GGNBP2: variants seen among roughly 807,000 people sequenced by gnomAD.
GGNBP2 encodes the protein gametogenetin-binding protein 2.
GGNBP2 carries 10 observed loss-of-function variants against 85.9 expected under a neutral mutation model. The ratio of observed to expected loss-of-function variants is 0.12; its 90% confidence interval spans 0.07 to 0.20. The LOEUF (loss-of-function observed/expected upper bound fraction) is 0.20, where lower values mean the gene tolerates loss of function less well. Among genes scored for constraint, GGNBP2 ranks in the 10% least tolerant of loss-of-function variants. The pLI is 1.00. For missense variants in GGNBP2, 595 were observed against 857.8 expected (o/e 0.69, Z 3.83); for synonymous variants, 287 against 285.7 (o/e 1.00, Z -0.05).
intron 4 of GGNBP2, among the ~76,000 whole-genome samples, chr17:36,559,205 G>C (rs745441349): frequency 6.3e-5 from 4 of 63,072 alleles, no homozygotes; most frequent in Non-Finnish European, 1.9e-4. Flanking sequence ...AGGCTGAGAC[G>C]GGAATCGCTT....
chr17:36,587,415 T>C (rs2074713538), intron 13 of GGNBP2, 170 bp downstream of exon 13: 6 of 707,796 alleles, frequency 8.5e-6, no homozygotes, highest in Non-Finnish European at 1.5e-5. Flanking sequence ...CCACTCGTGG[T>C]TTATGCAACT....
intron 4 of GGNBP2, among the ~76,000 whole-genome samples, chr17:36,559,347 C>T (rs996878658): frequency 4.7e-5 from 7 of 149,816 alleles, no homozygotes; most frequent in East Asian, 2.0e-4. Context: ...TACCATTTAC[C>T]GAGAGGGACG....
At chr17:36,554,391 G>C (rs1250198092) in intron 2 of GGNBP2, among the ~76,000 whole-genome samples, 1 of 56,096 alleles carries the variant, frequency 1.8e-5, no homozygotes, top group African/African-American at 7.5e-5. Context: ...TTTTTTGACA[G>C]AGTTTCACTC....
Position 36,581,477 on chromosome 17 carries a change from G to A in GGNBP2, c.1154G>A (p.Cys385Tyr), listed in dbSNP as rs372755670. ...QKRKNRRKNK[C>Y]VCDIPTPLQT... ...CGGAAGAATAGACGAAAAAATAAGT[G>A]TGTGTGTGATATTCCTACTCCCTTA... Residue 385 changes from cysteine (C) to tyrosine (Y), a missense_variant, in exon 9 of 14, where the codon TGT becomes TAT. Physicochemically the swap from Cys to Tyr is radical, Grantham distance 194. Around this residue, in one of 9 missense-constraint regions of GGNBP2, gnomAD observed 85 missense variants for 92.6 expected, o/e 0.92. Transcript: ENST00000613102. 1.4e-5 allele frequency: 23 copies of A among 1,613,828 alleles called. No individual in the cohort carries two copies. The highest frequency in any genetic ancestry group is 1.9e-5 in the Non-Finnish European group (23 of 1,179,874).
At chr17:36,573,259 C>G (rs1248576105) in intron 6 of GGNBP2, among the ~76,000 whole-genome samples, 1 of 152,028 alleles carries the variant, frequency 6.6e-6, no homozygotes, top group Non-Finnish European at 1.5e-5. Context: ...ATTACAGGCA[C>G]ACACCACCAC....
At chr17:36,571,699 C>T (rs955098600) in intron 6 of GGNBP2, among the ~76,000 whole-genome samples, 4 of 152,120 alleles carry the variant, frequency 2.6e-5, no homozygotes, top group Admixed American at 6.5e-5. Flanking sequence ...AAAATTTAGC[C>T]GGGCTTGATG....
chr17:36,557,167 G>A lies in GGNBP2; in HGVS notation c.259G>A (p.Val87Ile). The A allele has an allele frequency of 6.2e-7, 1 of 1,614,116 alleles. No individual in the cohort carries two copies. Among genetic ancestry groups the A allele is most frequent in the African/African-American group, 1.3e-5 (1 of 75,022 alleles). ...REVLSALSQLVPCVGCRRSVE... is the reference protein window; with the variant it reads ...REVLSALSQLIPCVGCRRSVE... ...AGTCCTGAGTGCACTTTCTCAGCTT[G>A]TCCCATGTGTTGGTTGTCGTCGCAG... is the stretch of plus-strand genomic sequence containing the variant. The change falls in exon 4 of 14, where the codon GTC becomes ATC. Residue 87 changes from valine to isoleucine, a missense_variant. Around this residue, in one of 9 missense-constraint regions of GGNBP2, gnomAD observed 216 missense variants for 293.4 expected, o/e 0.74. Coordinates refer to ENST00000613102, the MANE Select transcript of GGNBP2 (RefSeq NM_024835.5).
intron 5 of GGNBP2, among the ~76,000 whole-genome samples, chr17:36,563,060 G>A (rs926305935): frequency 6.6e-5 from 10 of 151,260 alleles, no homozygotes; most frequent in Non-Finnish European, 4.4e-5. Context: ...GAGGTCGGGG[G>A]TTCGAGACCG....
At chr17:36,584,853 C>T (rs1029480310) in intron 9 of GGNBP2, among the ~76,000 whole-genome samples, 6 of 151,432 alleles carry the variant, frequency 4.0e-5, no homozygotes, top group Admixed American at 6.6e-5. Context: ...ACTTGAGAGG[C>T]TGAGGCAGAA....
At chr17:36,564,883 A>G (rs1272012184) in intron 5 of GGNBP2, among the ~76,000 whole-genome samples, 1 of 152,148 alleles carries the variant, frequency 6.6e-6, no homozygotes, top group Non-Finnish European at 1.5e-5. Flanking sequence ...GTATTCTCTC[A>G]TCTATGCAAG....
At chr17:36,588,623 T>C (rs529845494) in intron 13 of GGNBP2, among the ~76,000 whole-genome samples, 8 of 149,568 alleles carry the variant, frequency 5.3e-5, no homozygotes, top group Non-Finnish European at 1.0e-4. Flanking sequence ...TTTTGAGGAG[T>C]CTCGCTCTGT....
chr17:36,574,066 GC>G (rs1555607290), intron 6 of GGNBP2, among the ~76,000 whole-genome samples: 1 of 151,890 alleles, frequency 6.6e-6, no homozygotes, highest in African/African-American at 2.4e-5. Context: ...TCTTTGGGTT[GC>G]CTTTTTACTC....
chr17:36,571,465 A>G (rs1029358778), intron 6 of GGNBP2, among the ~76,000 whole-genome samples: 6 of 150,676 alleles, frequency 4.0e-5, no homozygotes, highest in African/African-American at 1.5e-4. Flanking sequence ...CAGGAGAATC[A>G]CTTAACCTGA....
rs1474987042 is a variant in GGNBP2 at position 36,584,343 on chromosome 17, C to A, written c.1216-957C>A. Reference sequence around the variant, plus strand: ...AAGCATACTTCCCATTTGTCACATACTTTTTTTTTTTTGAGACGGAGTCTC... The same window carrying A: ...AAGCATACTTCCCATTTGTCACATAATTTTTTTTTTTTGAGACGGAGTCTC... On this transcript the variant is annotated intron_variant, in intron 9 of 13. Transcript: ENST00000613102. Among the ~76,000 whole-genome samples, 3 of 147,940 alleles carry A rather than the reference C, an allele frequency of 2.0e-5. No homozygotes were observed. The South Asian group carries it at 6.4e-4, about 32-fold the overall frequency.
chr17:36,581,516 A>G lies in GGNBP2; in HGVS notation c.1193A>G (p.Glu398Gly). The G allele has an allele frequency of 3.1e-6, 5 of 1,608,316 alleles. No homozygotes were observed. Among genetic ancestry groups the G allele is most frequent in the Non-Finnish European group, 4.2e-6 (5 of 1,177,580 alleles). ...DIPTPLQTADEKEVSQEKETD... is the reference protein window; with the variant it reads ...DIPTPLQTADGKEVSQEKETD... ...CCTACTCCCTTACAAACAGCAGATG[A>G]AAAGGAAGTAAGCCAAGAGAAGGTA... Residue 398 changes from glutamate to glycine, a missense_variant, in exon 9 of 14, where the codon GAA (glutamate) becomes GGA (glycine). Physicochemically the swap from Glu to Gly is moderately conservative, Grantham distance 98. Transcript: ENST00000613102.
At chr17:36,546,573 A>AC (rs753156363) in intron 2 of GGNBP2, 2 of 152,064 alleles carry the variant, frequency 1.3e-5, no homozygotes, top group Non-Finnish European at 2.9e-5. Context: ...AGCATTATCG[A>AC]CCCTCTGCCC....
chr17:36,573,176 G>C (rs1328349185), intron 6 of GGNBP2, among the ~76,000 whole-genome samples: 5 of 151,936 alleles, frequency 3.3e-5, no homozygotes, highest in South Asian at 4.2e-4. Context: ...GCAGTGGCTT[G>C]ATCTCGGTTC....
Position 36,548,056 on chromosome 17 carries a change from A to G in GGNBP2, c.93+2239A>G, listed in dbSNP as rs185833397. ...ATGCTCTGCATTGTTCCTTTGATAG[A>G]TGGCAGTGGATGCCTGAAGTTAACC... On this transcript the variant is annotated intron_variant, in intron 2 of 13. Transcript: ENST00000613102. Among the ~76,000 whole-genome samples the G allele has an allele frequency of 2.2e-4, 34 of 152,346 alleles. No homozygotes were observed. The East Asian group carries it at 6.2e-3, about 28-fold the overall frequency.
intron 7 of GGNBP2, 113 bp from the exon 8 acceptor site, chr17:36,579,132 C>T (rs1429181307): frequency 3.7e-6 from 3 of 805,114 alleles, no homozygotes; most frequent in Non-Finnish European, 6.2e-6. Flanking sequence ...AAATGTATAA[C>T]TGTCTTGTTA....
Sources: gnomAD v4.1 joint callset for allele counts (sites outside exome capture counted in the v4.1 genomes callset) on GRCh38, gnomAD v4.1.1 for gene constraint, gnomAD v4.1.1 regional missense constraint, MANE v1.5 for transcripts, NCBI Gene and HGNC (gene_info 2026-07-23, HGNC 2026-07-21) for gene names.